Variants in USP32 observed in about 807,000 individuals in gnomAD.
USP32 encodes ubiquitin specific peptidase 32, also known as ubiquitin carboxyl-terminal hydrolase 32.
A neutral mutation model predicts 204.8 loss-of-function variants in USP32; 59 were observed. The ratio of observed to expected loss-of-function variants is 0.29; its 90% CI spans 0.23 to 0.36. The LOEUF (loss-of-function observed/expected upper bound fraction) is 0.36, where lower values mean the gene tolerates loss of function less well. USP32 is among the 10% of genes least tolerant of loss of function. The pLI, the probability that USP32 is intolerant of heterozygous loss-of-function variation, is 1.00. For synonymous variants in USP32, 517 were observed against 678.4 expected (o/e 0.76, Z 3.70); for missense variants, 1,160 against 1,946.4 (o/e 0.60, Z 7.60).
chr17:60,383,512 T>G (rs2089680834), intron 1 of USP32, among the ~76,000 whole-genome samples: 1 of 152,210 alleles, frequency 6.6e-6, no homozygotes, highest in African/African-American at 2.4e-5. Context: ...ATAAACGTGA[T>G]AATTACGTAT....
At position 60,181,481 on chromosome 17, in the gene USP32, T is replaced by C. The variant is rs1310561637; in HGVS notation, c.4391A>G (p.His1464Arg). 1.2e-6 allele frequency: 2 copies of C among 1,614,046 alleles called. No homozygotes were observed. The highest frequency in any genetic ancestry group is 8.5e-7 in the Non-Finnish European group (1 of 1,179,876). Residue 1464 changes from histidine to arginine, a missense_variant, in exon 32 of 34, where the codon CAT becomes CGT. His to Arg is a conservative substitution (Grantham distance 29). Around this residue, in one of 8 missense-constraint regions of USP32, gnomAD observed 244 missense variants for 342.3 expected, o/e 0.71. Transcript: ENST00000300896. ...SQPELVTPQDHEVALANGFLY... is the reference protein window; with the variant it reads ...SQPELVTPQDREVALANGFLY... ...GAATCCATTGGCCAAAGCTACCTCA[T>C]GGTCCTGAGGAGTGACCAACTCTGG...
chr17:60,325,972 C>CA (rs374347100), intron 2 of USP32, among the ~76,000 whole-genome samples: 1,816 of 57,652 alleles, frequency 0.031, 42 homozygotes, highest in African/African-American at 0.061. Flanking sequence ...GACTCTGTCT[C>CA]AAAAAAAAAA....
upstream of USP32, among the ~76,000 whole-genome samples, chr17:60,395,940 G>A (rs1179279658): frequency 1.3e-5 from 2 of 152,096 alleles, no homozygotes; most frequent in Non-Finnish European, 2.9e-5. Flanking sequence ...TAACTTCATT[G>A]CTACAACGTG....
chr17:60,186,455 T>G (rs1567750468), intron 29 of USP32, among the ~76,000 whole-genome samples: 2 of 152,196 alleles, frequency 1.3e-5, no homozygotes, highest in Non-Finnish European at 2.9e-5. Context: ...CAGCAGAGCA[T>G]GAAACCCCAC....
chr17:60,396,589 TG>T (rs1411645222), upstream of USP32, among the ~76,000 whole-genome samples: 5 of 152,156 alleles, frequency 3.3e-5, no homozygotes, highest in Admixed American at 1.3e-4. Context: ...TCCAGTGCTT[TG>T]GGAAGTCAAG....
intron 1 of USP32, among the ~76,000 whole-genome samples, chr17:60,348,882 A>G (rs933850882): frequency 2.0e-5 from 3 of 152,196 alleles, no homozygotes; most frequent in Admixed American, 6.5e-5. Context: ...TGATAAAACA[A>G]TAAGAACCAC....
intron 26 of USP32, among the ~76,000 whole-genome samples, chr17:60,202,846 T>G (rs1167396808): frequency 6.9e-6 from 1 of 145,870 alleles, no homozygotes; most frequent in Non-Finnish European, 1.5e-5. Flanking sequence ...TAGATGTAAT[T>G]AAGTTGAGGA....
At chr17:60,186,362 A>G (rs1229889574) in intron 29 of USP32, among the ~76,000 whole-genome samples, 1 of 152,234 alleles carries the variant, frequency 6.6e-6, no homozygotes, top group East Asian at 1.9e-4. Flanking sequence ...GACTTTACAG[A>G]GGCTAGGAGA....
intron 1 of USP32, among the ~76,000 whole-genome samples, chr17:60,360,724 T>C (rs1474619151): frequency 1.3e-5 from 2 of 151,794 alleles, no homozygotes; most frequent in Non-Finnish European, 2.9e-5. Context: ...CATGCAGAAG[T>C]AGATGATAAT....
chr17:60,275,529 C>T (rs548367405), intron 5 of USP32, among the ~76,000 whole-genome samples: 2 of 152,104 alleles, frequency 1.3e-5, no homozygotes, highest in African/African-American at 4.8e-5. Context: ...ACCCCCACAC[C>T]CCTCTTCAGG....
intron 11 of USP32, 26 bp from the exon 12 acceptor site, chr17:60,236,266 C>T (rs752691927): frequency 3.2e-6 from 5 of 1,587,196 alleles, no homozygotes; most frequent in Admixed American, 3.4e-5. Context: ...AAATTAAATA[C>T]ATCAAACAAA....
chr17:60,392,199 C>T (rs1459436495), upstream of USP32: 5 of 527,678 alleles, frequency 9.5e-6, no homozygotes, highest in Middle Eastern at 1.5e-3. Flanking sequence ...CTCTCTCCTC[C>T]CTCTCCTTCC....
At chr17:60,191,463 T>C (rs1456320675) in intron 28 of USP32, among the ~76,000 whole-genome samples, 5 of 120,414 alleles carry the variant, frequency 4.2e-5, no homozygotes, top group African/African-American at 1.5e-4. Flanking sequence ...GGAGATGGGG[T>C]AGGGGGGAGG....
intron 2 of USP32, among the ~76,000 whole-genome samples, chr17:60,304,359 TTTA>T (rs1460579351): frequency 2.6e-5 from 4 of 151,214 alleles, no homozygotes; most frequent in African/African-American, 9.7e-5. Flanking sequence ...CCTTTATTTT[TTTA>T]TTTTTTTTTT....
chr17:60,238,239 T>C (rs535053425), intron 11 of USP32, among the ~76,000 whole-genome samples: 2 of 152,314 alleles, frequency 1.3e-5, no homozygotes, highest in South Asian at 4.1e-4. Context: ...TATTTTTAAA[T>C]TGGGTTGTTT....
intron 1 of USP32, among the ~76,000 whole-genome samples, chr17:60,365,585 T>C (rs2089295931): frequency 6.6e-6 from 1 of 152,136 alleles, no homozygotes; most frequent in Admixed American, 6.5e-5. Context: ...TTATCTTCCC[T>C]GTAAGCATTC....
intron 2 of USP32, among the ~76,000 whole-genome samples, chr17:60,313,723 T>TA (rs1347053090): frequency 6.6e-6 from 1 of 152,062 alleles, no homozygotes; most frequent in Non-Finnish European, 1.5e-5. Context: ...AAACCATACT[T>TA]ATACTAAAGT....
chr17:60,393,576 G>C (rs2089873136), upstream of USP32, among the ~76,000 whole-genome samples: 1 of 152,110 alleles, frequency 6.6e-6, no homozygotes, highest in Non-Finnish European at 1.5e-5. Flanking sequence ...GATTAGATTG[G>C]ACCCAAGGTG....
In USP32 at chr17:60,205,523, C is replaced by T. The variant is rs974343714; in HGVS notation, c.3173G>A (p.Gly1058Glu). The change falls in exon 26 of 34, where the codon GGA becomes GAA. Residue 1058 changes from glycine to glutamate, a missense_variant. Physicochemically the swap from Gly to Glu is moderately conservative, Grantham distance 98. Transcript: ENST00000300896. The stretch of plus-strand genomic sequence containing the variant: ...AGATGGCATGTGACCATTAACCATT[C>T]CATTTGTGAAGTTCTTCTCAGTTCC... ...PCGTEKNFTNGMVNGHMPSLP... is the reference protein window; with the variant it reads ...PCGTEKNFTNEMVNGHMPSLP... 12 of 1,613,744 alleles carry T rather than the reference C, an allele frequency of 7.4e-6. No individual in the cohort carries two copies. The highest frequency in any genetic ancestry group is 1.7e-5 in the Admixed American group (1 of 59,986).
Sources: allele counts gnomAD v4.1 joint callset (sites outside exome capture counted in the v4.1 genomes callset), GRCh38; gene constraint gnomAD v4.1.1; regional missense constraint gnomAD v4.1.1; transcripts MANE v1.5; gene names NCBI Gene and HGNC (gene_info 2026-07-23, HGNC 2026-07-21).